The following TRPM3 variants were observed in gnomAD, a reference collection of about 807,000 sequenced individuals.
TRPM3 encodes the protein long transient receptor potential channel 3.
Under a neutral mutation model 181.2 loss-of-function variants are expected in TRPM3, and 77 were observed. The observed-to-expected ratio is 0.42, with a 90% CI of 0.35 to 0.51. The LOEUF is 0.51. Ranked by LOEUF, TRPM3 falls within the 20% of genes least tolerant of loss-of-function variation. The probability of loss-of-function intolerance (pLI) is 0.01; values close to 1 mark genes in which losing one functional copy is unlikely to be tolerated. For missense variants in TRPM3, 1,759 were observed against 2,196.7 expected (o/e 0.80, Z 3.98); for synonymous variants, 745 against 796.4 (o/e 0.94, Z 1.09).
At chr9:71,045,675 T>C (rs1169715616) in intron 1 of TRPM3, among the ~76,000 whole-genome samples, 1 of 152,136 alleles carries the variant, frequency 6.6e-6, no homozygotes, top group Non-Finnish European at 1.5e-5. Context: ...AGAATAGAGT[T>C]TTCCTAAAGG....
intron 8 of TRPM3, among the ~76,000 whole-genome samples, chr9:70,684,247 T>C (rs73465672): frequency 0.02 from 3,000 of 152,312 alleles, 108 homozygotes; most frequent in African/African-American, 0.067. Flanking sequence ...AGTGTTTCCA[T>C]AGGGTTTCTG....
chr9:70,774,123 A>G (rs982986351), intron 7 of TRPM3: 2 of 152,100 alleles, frequency 1.3e-5, no homozygotes, highest in Non-Finnish European at 2.9e-5. Context: ...TGGAGTTGAC[A>G]CTCAGATTTA....
chr9:70,832,078 T>C (rs1466677267), intron 5 of TRPM3, among the ~76,000 whole-genome samples: 3 of 105,138 alleles, frequency 2.9e-5, no homozygotes, highest in Non-Finnish European at 5.5e-5. Flanking sequence ...CACTCATAGG[T>C]GGGAATTGAA....
At chr9:71,351,876 GT>G (rs55844483) in intron 1 of TRPM3, among the ~76,000 whole-genome samples, 37 of 141,694 alleles carry the variant, frequency 2.6e-4, no homozygotes, top group African/African-American at 6.8e-4. Context: ...GTTTGTTTTT[GT>G]TTTTTTTTTT....
At chr9:71,236,779 G>C (rs2081373293) in intron 1 of TRPM3, among the ~76,000 whole-genome samples, 1 of 152,204 alleles carries the variant, frequency 6.6e-6, no homozygotes, top group African/African-American at 2.4e-5. Context: ...GGGTGCAGTG[G>C]CTCACGCCTG....
chr9:71,180,424 A>G (rs1046194131), intron 1 of TRPM3, among the ~76,000 whole-genome samples: 2 of 152,134 alleles, frequency 1.3e-5, no homozygotes, highest in Non-Finnish European at 2.9e-5. Context: ...TTGAAAGGGA[A>G]TTTAATCTAG....
At chr9:70,750,716 T>C (rs1010838110) in intron 8 of TRPM3, among the ~76,000 whole-genome samples, 1 of 152,066 alleles carries the variant, frequency 6.6e-6, no homozygotes, top group Non-Finnish European at 1.5e-5. Context: ...CTTTCAAGAC[T>C]GAGAAAATGA....
At chr9:70,826,213 T>C (rs990029505) in intron 6 of TRPM3, 1 of 152,216 alleles carries the variant, frequency 6.6e-6, no homozygotes, top group Non-Finnish European at 1.5e-5. Context: ...ATAACACTGA[T>C]TACATAACAT....
chr9:71,136,988 C>A (rs192366457), intron 1 of TRPM3, among the ~76,000 whole-genome samples: 5 of 152,144 alleles, frequency 3.3e-5, no homozygotes, highest in African/African-American at 7.2e-5. Flanking sequence ...TAAATGTAAT[C>A]GGAATTGCAT....
chr9:70,989,636 C>A (rs895293334), intron 1 of TRPM3, among the ~76,000 whole-genome samples: 1 of 152,102 alleles, frequency 6.6e-6, no homozygotes, highest in African/African-American at 2.4e-5. Flanking sequence ...GGACCAAGAT[C>A]AAAATTTTCT....
chr9:71,353,548 C>T (rs551098748), intron 1 of TRPM3, among the ~76,000 whole-genome samples: 4 of 152,196 alleles, frequency 2.6e-5, no homozygotes, highest in East Asian at 3.9e-4. Context: ...TTGCCTAGGG[C>T]GAATGACTTC....
chr9:70,581,534 C>T (rs1458011128), intron 22 of TRPM3, among the ~76,000 whole-genome samples: 1 of 152,224 alleles, frequency 6.6e-6, no homozygotes, highest in Non-Finnish European at 1.5e-5. Flanking sequence ...AATGTGTGAG[C>T]CTTGCTGGGA....
intron 1 of TRPM3, among the ~76,000 whole-genome samples, chr9:70,877,793 G>GA (rs1157859103): frequency 1.5e-5 from 1 of 66,758 alleles, no homozygotes; most frequent in Non-Finnish European, 3.0e-5. Flanking sequence ...AGTGCAAAGA[G>GA]AAAATCATAA....
At chr9:70,624,342 G>A (rs1421043487) in intron 14 of TRPM3, among the ~76,000 whole-genome samples, 1 of 152,040 alleles carries the variant, frequency 6.6e-6, no homozygotes, top group Non-Finnish European at 1.5e-5. Flanking sequence ...TGCAGGGCAG[G>A]GGCTACTCAC....
chr9:71,330,336 C>T (rs1174613591), intron 1 of TRPM3, among the ~76,000 whole-genome samples: 1 of 151,770 alleles, frequency 6.6e-6, no homozygotes, highest in East Asian at 1.9e-4. Context: ...CTGTGTAGGG[C>T]CTGCTCCAAT....
chr9:71,151,485 T>G (rs1036379148), intron 1 of TRPM3, among the ~76,000 whole-genome samples: 4 of 152,056 alleles, frequency 2.6e-5, no homozygotes, highest in Non-Finnish European at 4.4e-5. Context: ...TGAAGAATTG[T>G]GTATCTTCTT....
intron 9 of TRPM3, among the ~76,000 whole-genome samples, chr9:70,680,017 C>G (rs1202487879): frequency 1.3e-5 from 2 of 152,124 alleles, no homozygotes; most frequent in African/African-American, 4.8e-5. Context: ...GGTTCTCAAG[C>G]TGGACACATG....
intron 22 of TRPM3, among the ~76,000 whole-genome samples, chr9:70,589,836 G>A (rs1450661289): frequency 6.6e-6 from 1 of 152,206 alleles, no homozygotes; most frequent in Non-Finnish European, 1.5e-5. Context: ...ACGTACCGGT[G>A]TGTTCTGTTG....
At chr9:70,745,819 A>G (rs2075060345) in intron 8 of TRPM3, among the ~76,000 whole-genome samples, 1 of 152,176 alleles carries the variant, frequency 6.6e-6, no homozygotes, top group Admixed American at 6.6e-5. Flanking sequence ...GTCCACTAAA[A>G]TGATCAAGAA....
Sources: gnomAD v4.1 joint callset for allele counts (sites outside exome capture counted in the v4.1 genomes callset) on GRCh38, gnomAD v4.1.1 for gene constraint, MANE v1.5 for transcripts, NCBI Gene and HGNC (gene_info 2026-07-23, HGNC 2026-07-21) for gene names.